CLSTN2: variants seen among roughly 807,000 people sequenced by gnomAD.
CLSTN2 encodes the protein calsyntenin-2.
Under a neutral mutation model 101.2 loss-of-function variants are expected in CLSTN2, and 48 were observed. The ratio of observed to expected loss-of-function variants is 0.47; its 90% CI spans 0.38 to 0.60. CLSTN2 has a LOEUF of 0.60. CLSTN2 is among the 20% of genes least tolerant of loss of function. CLSTN2 has a pLI of 0.00. For synonymous variants in CLSTN2, 481 were observed against 463.6 expected, an observed-to-expected ratio of 1.04 and a Z score of -0.48; for missense variants, 1,160 against 1,238.2, an observed-to-expected ratio of 0.94 and a Z score of 0.95.
chr3:140,090,394 C>T (rs1012113848), intron 1 of CLSTN2, among the ~76,000 whole-genome samples: 5 of 152,086 alleles, frequency 3.3e-5, no homozygotes, highest in African/African-American at 1.2e-4. Context: ...CCCACCTTGA[C>T]TTCCAAAGCA....
chr3:140,514,208 G>C (rs1166204349), intron 8 of CLSTN2, among the ~76,000 whole-genome samples: 1 of 152,006 alleles, frequency 6.6e-6, no homozygotes, highest in Non-Finnish European at 1.5e-5. Context: ...GTTCTTTAGT[G>C]GTGATTTTTG....
chr3:140,403,548 G>C, intron 2 of CLSTN2, 81 bp from the exon 3 acceptor site: 2 of 1,203,828 alleles, frequency 1.7e-6, no homozygotes, highest in Non-Finnish European at 2.4e-6. Context: ...CTTTGAGTTT[G>C]TGAATCTGGT....
chr3:140,266,864 G>A (rs760274087), intron 2 of CLSTN2, among the ~76,000 whole-genome samples: 118 of 152,306 alleles, frequency 7.7e-4, no homozygotes, highest in Admixed American at 1.5e-3. Flanking sequence ...TGGCAAGCAC[G>A]AAAAGAGCTA....
At chr3:140,202,646 C>A (rs750762981) in intron 2 of CLSTN2, among the ~76,000 whole-genome samples, 3 of 152,120 alleles carry the variant, frequency 2.0e-5, no homozygotes, top group African/African-American at 4.8e-5. Flanking sequence ...AAATTTAGGA[C>A]AATTGGTAAA....
chr3:139,984,908 A>G (rs1935996100), intron 1 of CLSTN2, among the ~76,000 whole-genome samples: 1 of 152,162 alleles, frequency 6.6e-6, no homozygotes, highest in Non-Finnish European at 1.5e-5. Flanking sequence ...ATCCTCAGCA[A>G]ATCTGTTCCT....
At chr3:140,253,469 C>G (rs1048403864) in intron 2 of CLSTN2, among the ~76,000 whole-genome samples, 2 of 152,180 alleles carry the variant, frequency 1.3e-5, no homozygotes, top group African/African-American at 4.8e-5. Flanking sequence ...ATTACGTAAT[C>G]AAATTTGTAT....
Position 140,466,624 on chromosome 3 carries a change from C to T in CLSTN2, c.1237C>T (p.His413Tyr). ...CTGCTTTTCAGAAATGAACCGGCATCACTATGCCCTGTATGTGCACAACTG... is the reference window on the plus strand; with the variant it reads ...CTGCTTTTCAGAAATGAACCGGCATTACTATGCCCTGTATGTGCACAACTG... Reference protein sequence around the residue: ...NSDKTEMNRHHYALYVHNCRL... With the variant: ...NSDKTEMNRHYYALYVHNCRL... The change falls in exon 8 of 17, where the codon CAC (histidine) becomes TAC (tyrosine). Residue 413 changes from histidine to tyrosine, a missense_variant. Coordinates refer to ENST00000458420, the MANE Select transcript of CLSTN2 (RefSeq NM_022131.3). The T allele has an allele frequency of 2.5e-6, 4 of 1,614,184 alleles. No individual in the cohort carries two copies. The highest frequency in any genetic ancestry group is 3.4e-6 in the Non-Finnish European group (4 of 1,180,006).
intron 2 of CLSTN2, among the ~76,000 whole-genome samples, chr3:140,222,001 G>C (rs1024571602): frequency 2.6e-5 from 4 of 152,098 alleles, no homozygotes; most frequent in Non-Finnish European, 5.9e-5. Flanking sequence ...CAGTATATCA[G>C]AGAGATGTCT....
chr3:139,991,159 G>A (rs1287779037), intron 1 of CLSTN2, among the ~76,000 whole-genome samples: 1 of 152,150 alleles, frequency 6.6e-6, no homozygotes, highest in Non-Finnish European at 1.5e-5. Flanking sequence ...AAATTGTGAT[G>A]AGCACATATT....
At chr3:140,470,729 C>G (rs1270577682) in intron 8 of CLSTN2, among the ~76,000 whole-genome samples, 1 of 152,162 alleles carries the variant, frequency 6.6e-6, no homozygotes, top group African/African-American at 2.4e-5. Flanking sequence ...ATAGGGAATT[C>G]TAGTATGACA....
chr3:140,063,968 T>C (rs529624175), intron 1 of CLSTN2, among the ~76,000 whole-genome samples: 2 of 152,298 alleles, frequency 1.3e-5, no homozygotes, highest in East Asian at 3.9e-4. Context: ...GTGCTTGTGT[T>C]CAATCCCAGA....
chr3:140,105,658 G>A (rs2009043918), intron 1 of CLSTN2, among the ~76,000 whole-genome samples: 2 of 152,192 alleles, frequency 1.3e-5, no homozygotes, highest in African/African-American at 4.8e-5. Flanking sequence ...GTGAGGCAGG[G>A]TGGGATGCTG....
At chr3:140,420,888 T>G (rs2088497496) in intron 4 of CLSTN2, among the ~76,000 whole-genome samples, 1 of 100,920 alleles carries the variant, frequency 9.9e-6, no homozygotes, top group Non-Finnish European at 1.8e-5. Context: ...CGAAATTCCC[T>G]GGCAGTCCTA....
At chr3:140,269,116 T>A (rs544513979) in intron 2 of CLSTN2, among the ~76,000 whole-genome samples, 24 of 152,314 alleles carry the variant, frequency 1.6e-4, no homozygotes, top group Admixed American at 1.5e-3. Flanking sequence ...ATAGGCTTAC[T>A]CCTTATTTAC....
chr3:140,403,984 C>T (rs1269248305), intron 3 of CLSTN2, among the ~76,000 whole-genome samples, 160 bp downstream of exon 3: 2 of 152,194 alleles, frequency 1.3e-5, no homozygotes, highest in Non-Finnish European at 2.9e-5. Flanking sequence ...CAGGCATCTT[C>T]CCAGTCTGCT....
chr3:140,003,966 A>C (rs908324688), intron 1 of CLSTN2, among the ~76,000 whole-genome samples: 3 of 152,068 alleles, frequency 2.0e-5, no homozygotes, highest in African/African-American at 2.4e-5. Flanking sequence ...TCGCCTCTTC[A>C]TATGTCTGAT....
At chr3:140,296,666 G>A (rs541066766) in intron 2 of CLSTN2, among the ~76,000 whole-genome samples, 12 of 152,320 alleles carry the variant, frequency 7.9e-5, no homozygotes, top group African/African-American at 2.9e-4. Context: ...GCAAGTATTT[G>A]TTAGATGTAT....
intron 2 of CLSTN2, among the ~76,000 whole-genome samples, chr3:140,302,399 A>T (rs2087068607): frequency 6.6e-6 from 1 of 152,162 alleles, no homozygotes; most frequent in African/African-American, 2.4e-5. Flanking sequence ...ATGGTGAATA[A>T]CTGTGTTCAT....
chr3:140,096,902 TAGCCACAG>T (rs1395478758), intron 1 of CLSTN2, among the ~76,000 whole-genome samples: 1 of 152,238 alleles, frequency 6.6e-6, no homozygotes, highest in African/African-American at 2.4e-5. Context: ...AGAGTAGCTA[TAGCCACAG>T]CCTTGGTGTA....
Sources: allele counts gnomAD v4.1 joint callset (sites outside exome capture counted in the v4.1 genomes callset), GRCh38; gene constraint gnomAD v4.1.1; transcripts MANE v1.5; gene names NCBI Gene and HGNC (gene_info 2026-07-23, HGNC 2026-07-21).